The following ABCA8 variants were observed in gnomAD, a reference collection of about 807,000 sequenced individuals.
ABCA8 encodes the protein ABC-type organic anion transporter ABCA8.
ABCA8 carries 177 observed loss-of-function variants against 192.3 expected under a neutral mutation model. The ratio of observed to expected loss-of-function variants is 0.92; its 90% CI spans 0.81 to 1.04. The LOEUF (loss-of-function observed/expected upper bound fraction) is 1.04, where lower values mean the gene tolerates loss of function less well. Ranked by LOEUF, ABCA8 falls within the 50% of genes least tolerant of loss-of-function variation. The probability of loss-of-function intolerance (pLI) is 0.00; values close to 1 mark genes in which losing one functional copy is unlikely to be tolerated. For synonymous variants in ABCA8, 642 were observed against 690.2 expected (o/e 0.93, Z 1.09); for missense variants, 1,915 against 1,904.8 (o/e 1.01, Z -0.10).
Position 68,919,482 on chromosome 17 carries a change from A to G in ABCA8, c.1613-6T>C. On this transcript the variant is annotated splice_region_variant and splice_polypyrimidine_tract_variant and intron_variant, in intron 13 of 39. Transcript: ENST00000586539. The stretch of plus-strand genomic sequence containing the variant: ...GTTATAGATGGTGACTGAACCTGTA[A>G]CAAAGGAAAAGTTAATATCAAGATA... 5 of 1,608,352 alleles carry G rather than the reference A, an allele frequency of 3.1e-6. No homozygotes were observed. The highest frequency in any genetic ancestry group is 1.7e-4 in the Middle Eastern group (1 of 6,034).
chr17:68,893,483 A>G (rs2066663850), intron 23 of ABCA8, among the ~76,000 whole-genome samples: 1 of 152,212 alleles, frequency 6.6e-6, no homozygotes, highest in African/African-American at 2.4e-5. Flanking sequence ...TCTAATGTAG[A>G]TAGTCTGAAA....
chr17:68,876,810 A>G, intron 33 of ABCA8, 107 bp from the exon 34 acceptor site: 2 of 1,355,448 alleles, frequency 1.5e-6, no homozygotes, highest in South Asian at 2.4e-5. Context: ...AGTTCTGGAA[A>G]TACATGTGGT....
At chr17:68,922,436 G>C in intron 11 of ABCA8, 136 bp from the exon 12 acceptor site, 2 of 592,370 alleles carry the variant, frequency 3.4e-6, no homozygotes, top group Non-Finnish European at 5.6e-6. Context: ...AGTCATAGCT[G>C]TGTGACAGAA....
chr17:68,918,134 G>T lies in ABCA8; in HGVS notation c.1960C>A (p.Gln654Lys). 6.2e-7 allele frequency: 1 copy of T among 1,614,010 alleles called. No homozygotes were observed. Among genetic ancestry groups the T allele is most frequent in the South Asian group, 1.1e-5 (1 of 91,064 alleles). ...TAGLDPFSRH[Q>K]VWNLLKERKT... ...CGTTCTTTCAGAAGGTTCCATACTT[G>T]GTGTCTTGAAAAGGGATCCAATCCA... is the stretch of plus-strand genomic sequence containing the variant. The change falls in exon 16 of 40, where the codon CAA becomes AAA. Residue 654 changes from glutamine (Q) to lysine (K), a missense_variant. Transcript: ENST00000586539.
chr17:68,916,873 T>C (rs1442120398), intron 17 of ABCA8, among the ~76,000 whole-genome samples: 1 of 152,228 alleles, frequency 6.6e-6, no homozygotes, highest in Non-Finnish European at 1.5e-5. Context: ...TGTTGTTATA[T>C]TCTCAATATC....
chr17:68,895,135 T>C, intron 21 of ABCA8, 122 bp from the exon 22 acceptor site: 1 of 558,620 alleles, frequency 1.8e-6, no homozygotes, highest in Non-Finnish European at 2.8e-6. Context: ...GGATATTTTC[T>C]ACATAACATA....
intron 17 of ABCA8, among the ~76,000 whole-genome samples, chr17:68,915,241 C>T (rs2067324891): frequency 6.6e-6 from 1 of 151,830 alleles, no homozygotes; most frequent in Admixed American, 6.6e-5. Flanking sequence ...ATTTCTCTAC[C>T]CCACAAGCAG....
In ABCA8 at chr17:68,906,084, T is replaced by C; in HGVS notation, c.2358A>G (p.Val786=). 1 of 1,599,852 alleles carries C rather than the reference T, an allele frequency of 6.3e-7. No individual in the cohort carries two copies. The highest frequency in any genetic ancestry group is 8.5e-7 in the Non-Finnish European group (1 of 1,173,522). The change falls in exon 19 of 40, where the codon GTA becomes GTG. Residue 786 remains valine, a synonymous_variant. Coordinates refer to ENST00000586539, the MANE Select transcript of ABCA8 (RefSeq NM_001288985.2). ...YGVSMTTLNE[V]FLKLEGKSTI... ...TAGATTTTCCTTCTAGCTTCAGGAA[T>C]ACTTCATTCAAAGTTGTCATGGAAA...
chr17:68,868,217 C>A (rs2065963389), intron 39 of ABCA8, 34 bp from the exon 40 acceptor site: 2 of 1,607,164 alleles, frequency 1.2e-6, no homozygotes, highest in East Asian at 2.2e-5. Context: ...GAGAGGAGAA[C>A]AATGCCGTGC....
At chr17:68,918,676 A>G (rs1233662186) in intron 14 of ABCA8, 130 bp from the exon 15 acceptor site, 1 of 878,606 alleles carries the variant, frequency 1.1e-6, no homozygotes, top group Non-Finnish European at 1.6e-6. Context: ...GCTCATACCC[A>G]TAGTCTCAGC....
intron 26 of ABCA8, among the ~76,000 whole-genome samples, chr17:68,885,523 C>T (rs2066434828): frequency 6.6e-6 from 1 of 151,760 alleles, no homozygotes; most frequent in Non-Finnish European, 1.5e-5. Context: ...CTTGATAAAT[C>T]TAGGATGTGA....
intron 21 of ABCA8, among the ~76,000 whole-genome samples, chr17:68,899,917 T>G (rs1433525062): frequency 6.6e-6 from 1 of 152,068 alleles, no homozygotes; most frequent in Non-Finnish European, 1.5e-5. Flanking sequence ...AATTAAAACA[T>G]GATATACCGA....
chr17:68,892,810 G>A (rs983741652), intron 23 of ABCA8, among the ~76,000 whole-genome samples: 5 of 152,108 alleles, frequency 3.3e-5, no homozygotes, highest in Admixed American at 2.0e-4. Context: ...AGTGAGATAT[G>A]GTGTGAGAAG....
chr17:68,890,632 C>T (rs1359280639), intron 24 of ABCA8, among the ~76,000 whole-genome samples: 3 of 152,202 alleles, frequency 2.0e-5, no homozygotes, highest in Non-Finnish European at 4.4e-5. Context: ...GATTCTCCTG[C>T]CTCAGCCTCC....
chr17:68,880,999 GGTA>G lies in ABCA8; in HGVS notation c.4038+118_4038+120del, dbSNP rs555009095. 1.2e-4 allele frequency: 83 copies of G among 721,680 alleles called. No homozygotes were observed. In the African/African-American group the frequency reaches 1.3e-3, roughly 12 times the overall value. 44.7% of individuals were successfully genotyped at this position (721,680 alleles called of 1,614,324 possible). A position where few individuals can be genotyped will look rare whatever the true frequency, so the allele number is the denominator to read the frequency against. ...GATAATTCGTGAATTTATTCTCTTG[GGTA>G]GTTCATTAATCACTTCAGTTATATA... On this transcript the variant is annotated intron_variant, in intron 32 of 39. Coordinates refer to ENST00000586539, the MANE Select transcript of ABCA8 (RefSeq NM_001288985.2).
chr17:68,887,538 G>A, intron 24 of ABCA8, 32 bp from the exon 25 acceptor site: 1 of 1,559,110 alleles, frequency 6.4e-7, no homozygotes, highest in Non-Finnish European at 8.7e-7. Flanking sequence ...TACAAAGTTT[G>A]TGGCTTAAGA....
chr17:68,944,086 T>C (rs2143781682), intron 2 of ABCA8, among the ~76,000 whole-genome samples: 1 of 151,282 alleles, frequency 6.6e-6, no homozygotes, highest in South Asian at 2.1e-4. Context: ...TTCTCGCTCA[T>C]AAGTGGGAGT....
rs967810754 is a variant in ABCA8, at chr17:68,924,565, G to A, written c.1442+136C>T. ...AGGGATCTTTCTTTGAACTTGAGAT[G>A]GAAAGTGACAGAAGCAGCATAGGTG... On this transcript the variant is annotated intron_variant, in intron 11 of 39. Transcript: ENST00000586539. 2.6e-5 allele frequency: 24 copies of A among 913,872 alleles called. No individual in the cohort carries two copies. The Admixed American group carries it at 6.5e-4, about 25-fold the overall frequency. The allele number at this position is 913,872 out of a possible 1,614,324, so 56.6% of individuals were successfully genotyped here.
Position 68,922,225 on chromosome 17 carries a change from T to TACA in ABCA8, c.1501+16_1501+17insTGT. On this transcript the variant is annotated intron_variant, in intron 12 of 39. Transcript: ENST00000586539. ...TTTTTTTTTTTTTTTTTTTTTTTTT[T>TACA]TTTTTTTTTTTTTTACCTTTCAAGG... 3 of 477,304 alleles carry TACA rather than the reference T, an allele frequency of 6.3e-6. No homozygotes were observed. The highest frequency in any genetic ancestry group is 6.0e-6 in the Non-Finnish European group (2 of 332,688). The allele number at this position is 477,304 out of a possible 1,614,324, so 29.6% of individuals were successfully genotyped here. A position where few individuals can be genotyped will look rare whatever the true frequency, so the allele number is the denominator to read the frequency against.
Sources: gnomAD v4.1 joint callset for allele counts (sites outside exome capture counted in the v4.1 genomes callset) on GRCh38, gnomAD v4.1.1 for gene constraint, MANE v1.5 for transcripts, NCBI Gene and HGNC (gene_info 2026-07-23, HGNC 2026-07-21) for gene names.